Variants in ADAMTS20 observed in about 807,000 individuals in gnomAD.
The protein encoded by ADAMTS20 is A disintegrin and metalloproteinase with thrombospondin motifs 20.
Under a neutral mutation model 260.1 loss-of-function variants are expected in ADAMTS20, and 225 were observed. That is an observed-to-expected ratio of 0.87 (90% CI 0.78 to 0.97). ADAMTS20 has a LOEUF of 0.97. Ranked by LOEUF, ADAMTS20 falls within the 50% of genes least tolerant of loss-of-function variation. ADAMTS20 has a pLI of 0.00. For synonymous variants in ADAMTS20, 802 were observed against 769.5 expected (o/e 1.04, Z -0.70); for missense variants, 2,400 against 2,337.7 (o/e 1.03, Z -0.55).
rs560548570 is a variant in ADAMTS20 at position 43,537,960 on chromosome 12, C to T, written c.454-5765G>A. ...GCTTCCAAATCTTGGCTATTGTGAA[C>T]ACTGCTGCAACAAACAGTGGGAGTA... On this transcript the variant is annotated intron_variant, in intron 2 of 38. Transcript: ENST00000389420. Among the ~76,000 whole-genome samples, 65 of 152,306 alleles carry T rather than the reference C, an allele frequency of 4.3e-4. 1 individual carries two copies. The highest frequency in any genetic ancestry group is 4.4e-5 in the Non-Finnish European group (3 of 68,028).
chr12:43,482,509 C>CA (rs1173369627), intron 7 of ADAMTS20, among the ~76,000 whole-genome samples: 4 of 152,190 alleles, frequency 2.6e-5, no homozygotes, highest in African/African-American at 9.7e-5. Flanking sequence ...GGCTTACTGC[C>CA]ACCTCCCAGT....
At chr12:43,469,974 A>T (rs1592085426) in intron 7 of ADAMTS20, among the ~76,000 whole-genome samples, 1 of 152,220 alleles carries the variant, frequency 6.6e-6, no homozygotes, top group African/African-American at 2.4e-5. Flanking sequence ...TTGCTTCGGC[A>T]AGGTCCCTCC....
At chr12:43,483,239 C>T (rs1234406228) in intron 7 of ADAMTS20, among the ~76,000 whole-genome samples, 1 of 152,114 alleles carries the variant, frequency 6.6e-6, no homozygotes, top group East Asian at 1.9e-4. Flanking sequence ...CCCAAAGAAG[C>T]AGCAAGATTC....
chr12:43,414,076 CTT>C (rs1286724623), intron 28 of ADAMTS20, among the ~76,000 whole-genome samples: 2 of 152,042 alleles, frequency 1.3e-5, no homozygotes, highest in African/African-American at 2.4e-5. Context: ...AATAAATAAA[CTT>C]AATAGAAATT....
chr12:43,512,721 C>T (rs1452100202), intron 3 of ADAMTS20, among the ~76,000 whole-genome samples: 1 of 152,180 alleles, frequency 6.6e-6, no homozygotes, highest in African/African-American at 2.4e-5. Flanking sequence ...CTTGCATCCC[C>T]TGAATCACTT....
At chr12:43,356,409 T>C (rs117954623) in intron 38 of ADAMTS20, 75 bp downstream of exon 38, 1,068 of 905,564 alleles carry the variant, frequency 1.2e-3, no homozygotes, top group Non-Finnish European at 1.7e-3. Context: ...GTTTACATTT[T>C]AGGTAGAGAA....
At chr12:43,355,223 A>T (rs938903118) in intron 38 of ADAMTS20, among the ~76,000 whole-genome samples, 1 of 152,238 alleles carries the variant, frequency 6.6e-6, no homozygotes, top group Non-Finnish European at 1.5e-5. Flanking sequence ...CAGAGAAGGG[A>T]ATGGCAGTAA....
chr12:43,538,604 C>T (rs1205152952), intron 2 of ADAMTS20, among the ~76,000 whole-genome samples: 1 of 152,178 alleles, frequency 6.6e-6, no homozygotes, highest in Non-Finnish European at 1.5e-5. Flanking sequence ...GCCCAATGTC[C>T]TGAACATTTT....
At chr12:43,407,227 A>G (rs903543498) in intron 28 of ADAMTS20, among the ~76,000 whole-genome samples, 26 of 152,034 alleles carry the variant, frequency 1.7e-4, no homozygotes, top group African/African-American at 5.8e-4. Flanking sequence ...TTTAAAAATC[A>G]GATTAATTTG....
chr12:43,416,151 C>T (rs989935218), intron 28 of ADAMTS20, among the ~76,000 whole-genome samples: 1 of 152,212 alleles, frequency 6.6e-6, no homozygotes, highest in Non-Finnish European at 1.5e-5. Flanking sequence ...ACTCTACCTA[C>T]AGACACTTGA....
In ADAMTS20 at chr12:43,466,753, C is replaced by G. The variant is rs1401913780; in HGVS notation, c.1266G>C (p.Met422Ile). ...QHDDNPRCKEMKVTKYHVMAP... is the reference protein window; with the variant it reads ...QHDDNPRCKEIKVTKYHVMAP... ...CCATTACATGATACTTTGTAACTTT[C>G]ATTTCTTTACATCTAGGATTATCAT... Residue 422 changes from methionine (M) to isoleucine (I), a missense_variant, in exon 9 of 39, where the codon ATG becomes ATC. Coordinates refer to ENST00000389420, the MANE Select transcript of ADAMTS20 (RefSeq NM_025003.5). The G allele has an allele frequency of 6.2e-7, 1 of 1,608,686 alleles. No homozygotes were observed. Among genetic ancestry groups the G allele is most frequent in the Non-Finnish European group, 8.5e-7 (1 of 1,176,076 alleles).
intron 3 of ADAMTS20, among the ~76,000 whole-genome samples, chr12:43,504,084 G>A (rs1006027441): frequency 2.0e-5 from 3 of 152,036 alleles, no homozygotes; most frequent in African/African-American, 7.3e-5. Context: ...CCAATAATGG[G>A]GTTGCTGGGA....
At chr12:43,417,093 T>C (rs190571330) in intron 28 of ADAMTS20, among the ~76,000 whole-genome samples, 2 of 152,346 alleles carry the variant, frequency 1.3e-5, no homozygotes, top group Admixed American at 1.3e-4. Flanking sequence ...ATTTATCTTG[T>C]TTCCCACAAT....
chr12:43,551,287 A>G lies in ADAMTS20; in HGVS notation c.92-17T>C. The G allele has an allele frequency of 6.2e-7, 1 of 1,602,206 alleles. No homozygotes were observed. Among genetic ancestry groups the G allele is most frequent in the Non-Finnish European group, 8.5e-7 (1 of 1,172,422 alleles). ...CCAGGGCTTCTGCAACAACAGCGAC[A>G]GGACCAGTGAGCTCCCACGCGTTCC... On this transcript the variant is annotated splice_polypyrimidine_tract_variant and intron_variant, in intron 1 of 38. Transcript: ENST00000389420. The surrounding 1 kb of genome is among the most constrained non-coding windows in gnomAD (Gnocchi z 4.6).
intron 7 of ADAMTS20, among the ~76,000 whole-genome samples, chr12:43,479,636 T>G (rs911416515): frequency 5.3e-5 from 8 of 152,070 alleles, no homozygotes; most frequent in African/African-American, 1.9e-4. Context: ...CATTTAGAAT[T>G]TTTAATGACA....
Position 43,464,668 on chromosome 12 carries a change from G to T in ADAMTS20, c.1432C>A (p.Leu478Ile). 6.2e-7 allele frequency: 1 copy of T among 1,613,462 alleles called. No individual in the cohort carries two copies. The change falls in exon 10 of 39, where the codon CTT becomes ATT. Residue 478 changes from leucine to isoleucine, a missense_variant. Physicochemically the swap from Leu to Ile is conservative, Grantham distance 5. Transcript: ENST00000389420. ...DEEIYNLPSELPGSRYDGNKQ... is the reference protein window; with the variant it reads ...DEEIYNLPSEIPGSRYDGNKQ... ...TTTCCATCATATCGTGATCCAGGAA[G>T]TTCTGAAGGCAGATTATATATTTCT... is the stretch of plus-strand genomic sequence containing the variant.
intron 12 of ADAMTS20, 126 bp downstream of exon 12, chr12:43,453,781 T>C: frequency 9.8e-7 from 1 of 1,020,752 alleles, no homozygotes; most frequent in Non-Finnish European, 1.4e-6. Context: ...CTTAAAGTGC[T>C]CCAGAAATTT....
In ADAMTS20 at chr12:43,434,362, C is replaced by T. The variant is rs769461598; in HGVS notation, c.2603G>A (p.Arg868Gln). The change falls in exon 19 of 39, where the codon CGA (arginine) becomes CAA (glutamine). Residue 868 changes from arginine to glutamine, a missense_variant. By Grantham distance (43) the Arg-to-Gln change is conservative. Transcript: ENST00000389420. ...CTTATGTATGCAAGTTATGTTTCTT[C>T]GCTGAAGACCTTGGCCAAAGTCAAA... ...GCTKMCQGLQ[R>Q]RNITCIHKSD... 1.0e-5 allele frequency: 16 copies of T among 1,580,082 alleles called. No homozygotes were observed. In the East Asian group the frequency reaches 1.6e-4, roughly 16 times the overall value.
At chr12:43,393,965 A>AT (rs1940648696) in intron 29 of ADAMTS20, among the ~76,000 whole-genome samples, 1 of 152,116 alleles carries the variant, frequency 6.6e-6, no homozygotes, top group Non-Finnish European at 1.5e-5. Flanking sequence ...GAACTAGAAT[A>AT]TTTTTTAAAC....
Sources: allele counts gnomAD v4.1 joint callset (sites outside exome capture counted in the v4.1 genomes callset), GRCh38; gene constraint gnomAD v4.1.1; non-coding constraint Gnocchi (gnomAD v3.1); transcripts MANE v1.5; gene names NCBI Gene and HGNC (gene_info 2026-07-23, HGNC 2026-07-21).